Variants in STAMBP observed in about 807,000 individuals in gnomAD.
STAMBP encodes the protein STAM binding protein, also known as STAM-binding protein.
In STAMBP, 31 loss-of-function variants were observed where a neutral mutation model predicts 50.7. That is an observed-to-expected ratio of 0.61 (90% CI 0.46 to 0.83). STAMBP has a LOEUF of 0.83. Ranked by LOEUF, STAMBP falls within the 40% of genes least tolerant of loss-of-function variation. STAMBP has a pLI of 0.00. For synonymous variants in STAMBP, 211 were observed against 192.4 expected (o/e 1.10, Z -0.80); for missense variants, 472 against 518.9 (o/e 0.91, Z 0.88).
chr2:73,831,777 T>A (rs1428479613), intron 2 of STAMBP, among the ~76,000 whole-genome samples: 2 of 152,172 alleles, frequency 1.3e-5, no homozygotes, highest in Non-Finnish European at 2.9e-5. Context: ...GAGTAGCTCA[T>A]AGTGTGTTTC....
At chr2:73,859,711 A>C (rs1482907054) in intron 8 of STAMBP, among the ~76,000 whole-genome samples, 1 of 133,450 alleles carries the variant, frequency 7.5e-6, no homozygotes, top group Non-Finnish European at 1.6e-5. Context: ...AAATAAAAAA[A>C]TATAATAAAA....
chr2:73,832,108 T>TATATATATACACAC (rs1006072205), intron 2 of STAMBP, among the ~76,000 whole-genome samples: 5 of 122,896 alleles, frequency 4.1e-5, no homozygotes, highest in African/African-American at 1.8e-4. Flanking sequence ...TATATATATA[T>TATATATATACACAC]ACACATATAT....
intron 7 of STAMBP, among the ~76,000 whole-genome samples, chr2:73,856,078 A>T (rs896449554): frequency 2.6e-5 from 4 of 152,250 alleles, no homozygotes; most frequent in Non-Finnish European, 5.9e-5. Context: ...TATATAAAAT[A>T]TGTGCTTAAT....
At chr2:73,848,128 T>C (rs898958528) in intron 5 of STAMBP, among the ~76,000 whole-genome samples, 1 of 152,238 alleles carries the variant, frequency 6.6e-6, no homozygotes, top group African/African-American at 2.4e-5. Context: ...GATCTTGCTG[T>C]TGAATACGCA....
downstream of STAMBP, among the ~76,000 whole-genome samples, chr2:73,871,502 C>T (rs1206853867): frequency 5.3e-5 from 8 of 150,710 alleles, no homozygotes; most frequent in African/African-American, 1.7e-4. Flanking sequence ...GAGCCGAGAT[C>T]GCATCACTAC....
At chr2:73,832,108 T>TATATATATGTATAC in intron 2 of STAMBP, among the ~76,000 whole-genome samples, 1 of 122,902 alleles carries the variant, frequency 8.1e-6, no homozygotes, top group South Asian at 2.4e-4. Context: ...TATATATATA[T>TATATATATGTATAC]ACACATATAT....
At chr2:73,833,815 G>T (rs887437188) in intron 2 of STAMBP, among the ~76,000 whole-genome samples, 2 of 152,088 alleles carry the variant, frequency 1.3e-5, no homozygotes, top group Admixed American at 6.6e-5. Flanking sequence ...CCTTATTGGT[G>T]TTCCTTTATA....
chr2:73,873,037 G>A (rs1365705123), intron 10 of STAMBP, among the ~76,000 whole-genome samples: 1 of 152,160 alleles, frequency 6.6e-6, no homozygotes, highest in African/African-American at 2.4e-5. Context: ...CACAAGATAT[G>A]GTAAATGTAA....
At chr2:73,844,370 G>T (rs1207887735) in intron 2 of STAMBP, among the ~76,000 whole-genome samples, 1 of 152,304 alleles carries the variant, frequency 6.6e-6, no homozygotes, top group Middle Eastern at 3.4e-3. Flanking sequence ...AAAGTTAAAG[G>T]TTACATAAGA....
downstream of STAMBP, among the ~76,000 whole-genome samples, chr2:73,869,576 A>AT (rs1383798543): frequency 6.6e-6 from 1 of 152,168 alleles, no homozygotes; most frequent in South Asian, 2.1e-4. Flanking sequence ...GAAAAAAAGA[A>AT]TTTTGGGGGA....
rs1282953064 is a variant in STAMBP, at chr2:73,862,336, A to G, written c.*77A>G. The G allele has an allele frequency of 7.3e-7, 1 of 1,377,886 alleles. No individual in the cohort carries two copies. The highest frequency in any genetic ancestry group is 9.8e-7 in the Non-Finnish European group (1 of 1,018,534). The allele number at this position is 1,377,886 out of a possible 1,614,324, so 85.4% of individuals were successfully genotyped here. A position where few individuals can be genotyped will look rare whatever the true frequency, so the allele number is the denominator to read the frequency against. On this transcript the variant is annotated 3_prime_UTR_variant, in exon 10 of 10. Coordinates refer to ENST00000394070, the MANE Select transcript of STAMBP (RefSeq NM_213622.4). ...TAGCCCCTTAATTTAAGCTTTCTAGAAAGCTTTGGAAGTTTTTGTAGATAG... is the reference window on the plus strand; with the variant it reads ...TAGCCCCTTAATTTAAGCTTTCTAGGAAGCTTTGGAAGTTTTTGTAGATAG...
chr2:73,849,916 G>A (rs1260545573), intron 6 of STAMBP, among the ~76,000 whole-genome samples: 2 of 152,186 alleles, frequency 1.3e-5, no homozygotes, highest in Non-Finnish European at 2.9e-5. Flanking sequence ...GAATTTTGAG[G>A]AAGGAAAGGT....
Position 73,865,536 on chromosome 2 carries a change from G to A in STAMBP, c.*3277G>A, listed in dbSNP as rs1308367259. 1 of 152,170 alleles carries A rather than the reference G, an allele frequency of 6.6e-6. No homozygotes were observed. The allele number at this position is 152,170 out of a possible 1,614,324, so 9.4% of individuals were successfully genotyped here. ...TATTGGAATATTATCCTCTCCAGGG[G>A]AAGTGCCAGGTTGAACATTTAAGGC... is the stretch of plus-strand genomic sequence containing the variant. On this transcript the variant is annotated 3_prime_UTR_variant, in exon 10 of 10. Coordinates refer to ENST00000394070, the MANE Select transcript of STAMBP (RefSeq NM_213622.4).
At chr2:73,835,642 G>A (rs938969720) in intron 2 of STAMBP, among the ~76,000 whole-genome samples, 3 of 152,118 alleles carry the variant, frequency 2.0e-5, no homozygotes, top group African/African-American at 4.8e-5. Flanking sequence ...TGGAGGTCAG[G>A]TCCATAGGAC....
rs988158395 is a variant in STAMBP at position 73,863,741 on chromosome 2, T to C, written c.*1482T>C. The C allele has an allele frequency of 2.6e-5, 4 of 152,294 alleles. No individual in the cohort carries two copies. The highest frequency in any genetic ancestry group is 5.9e-5 in the Non-Finnish European group (4 of 68,080). The allele number at this position is 152,294 out of a possible 1,614,324, so 9.4% of individuals were successfully genotyped here. On this transcript the variant is annotated 3_prime_UTR_variant, in exon 10 of 10. Coordinates refer to ENST00000394070, the MANE Select transcript of STAMBP (RefSeq NM_213622.4). ...ACAGTCCTGAAATTGCCCAGTCCTC[T>C]GCTTTTGGGAAATCCATCCCCTTCT...
intron 2 of STAMBP, among the ~76,000 whole-genome samples, chr2:73,842,892 G>T (rs1337823690): frequency 1.3e-5 from 2 of 152,160 alleles, no homozygotes; most frequent in Non-Finnish European, 2.9e-5. Flanking sequence ...AGCTCGCAGT[G>T]TAGTTCTATA....
intron 1 of STAMBP, among the ~76,000 whole-genome samples, chr2:73,830,196 A>G (rs912127887): frequency 6.6e-6 from 1 of 152,228 alleles, no homozygotes; most frequent in African/African-American, 2.4e-5. Flanking sequence ...GTTGTTTTCA[A>G]GATTTAAGTC....
chr2:73,836,779 C>T (rs2104304521), intron 2 of STAMBP, among the ~76,000 whole-genome samples: 1 of 152,330 alleles, frequency 6.6e-6, no homozygotes, highest in East Asian at 1.9e-4. Context: ...AGAGGCTTGG[C>T]CTCCTGCCAG....
intron 2 of STAMBP, among the ~76,000 whole-genome samples, chr2:73,838,585 T>C (rs1675008338): frequency 1.3e-5 from 2 of 152,082 alleles, no homozygotes; most frequent in African/African-American, 4.8e-5. Context: ...TCCTCAGAAG[T>C]CAAGAGGGGA....
Sources: gnomAD v4.1 joint callset for allele counts (sites outside exome capture counted in the v4.1 genomes callset) on GRCh38, gnomAD v4.1.1 for gene constraint, MANE v1.5 for transcripts, NCBI Gene and HGNC (gene_info 2026-07-23, HGNC 2026-07-21) for gene names.